Variants in RBM28 observed in about 807,000 individuals in gnomAD.
RBM28 encodes the protein RNA binding motif protein 28, also known as RNA-binding protein 28.
A neutral mutation model predicts 98.3 loss-of-function variants in RBM28; 78 were observed. That is an observed-to-expected ratio of 0.79 (90% confidence interval 0.66 to 0.96). The LOEUF (loss-of-function observed/expected upper bound fraction) is 0.96, where lower values mean the gene tolerates loss of function less well. Among genes scored for constraint, RBM28 ranks in the 40% least tolerant of loss-of-function variants. The probability of loss-of-function intolerance (pLI) is 0.00; values close to 1 mark genes in which losing one functional copy is unlikely to be tolerated. For missense variants in RBM28, 838 were observed against 913.0 expected, an observed-to-expected ratio of 0.92 and a Z score of 1.06; for synonymous variants, 306 against 330.9, an observed-to-expected ratio of 0.92 and a Z score of 0.82.
chr7:128,334,678 T>C lies in RBM28; in HGVS notation c.946+865A>G, dbSNP rs983596272. On this transcript the variant is annotated intron_variant, in intron 8 of 18. Transcript: ENST00000223073. Reference sequence around the variant, plus strand: ...TTCTCAATAAAGGTAGCAATAAGGATTGGCTAAAGTTTTACAACATGTTCA... The same window carrying C: ...TTCTCAATAAAGGTAGCAATAAGGACTGGCTAAAGTTTTACAACATGTTCA... 7.2e-5 allele frequency among the ~76,000 whole-genome samples: 11 copies of C among 152,192 alleles called. No homozygotes were observed. In the South Asian group the frequency reaches 1.9e-3, roughly 26 times the overall value.
chr7:128,324,844 T>C (rs1796312450), intron 11 of RBM28, 150 bp from the exon 12 acceptor site: 1 of 1,076,470 alleles, frequency 9.3e-7, no homozygotes, highest in East Asian at 2.5e-5. Context: ...TGAAACCTCG[T>C]CTCTACTAAA....
intron 10 of RBM28, among the ~76,000 whole-genome samples, 168 bp from the exon 11 acceptor site, chr7:128,326,059 C>G (rs1796343533): frequency 6.6e-6 from 1 of 152,158 alleles, no homozygotes; most frequent in Non-Finnish European, 1.5e-5. Context: ...AATCCCGGCA[C>G]TTTGGGAGGC....
chr7:128,328,468 T>C (rs920249725), intron 10 of RBM28, among the ~76,000 whole-genome samples: 1 of 152,040 alleles, frequency 6.6e-6, no homozygotes, highest in African/African-American at 2.4e-5. Context: ...GCTGCATGAG[T>C]AGGCAAAAAA....
intron 8 of RBM28, among the ~76,000 whole-genome samples, chr7:128,334,564 A>G (rs1316751872): frequency 6.6e-6 from 1 of 152,256 alleles, no homozygotes; most frequent in Non-Finnish European, 1.5e-5. Context: ...CTGAAATAAA[A>G]ATCTCCACCC....
chr7:128,312,976 CAGG>C, intron 18 of RBM28, 196 bp downstream of exon 18: 1 of 606,470 alleles, frequency 1.6e-6, no homozygotes, highest in Non-Finnish European at 2.9e-6. Context: ...TGCTGAAACA[CAGG>C]AACAGATACG....
chr7:128,333,640 C>T (rs1796534667), intron 8 of RBM28, among the ~76,000 whole-genome samples: 1 of 152,116 alleles, frequency 6.6e-6, no homozygotes, highest in Non-Finnish European at 1.5e-5. Flanking sequence ...ATCCCTTGAA[C>T]CTGGGAGGTG....
At chr7:128,329,352 G>C (rs1407811987) in intron 10 of RBM28, among the ~76,000 whole-genome samples, 1 of 152,194 alleles carries the variant, frequency 6.6e-6, no homozygotes. Flanking sequence ...GCCTGCCTCA[G>C]CCTCCCAAAG....
At chr7:128,333,537 G>A (rs1796531039) in intron 8 of RBM28, among the ~76,000 whole-genome samples, 175 bp from the exon 9 acceptor site, 1 of 152,092 alleles carries the variant, frequency 6.6e-6, no homozygotes, top group African/African-American at 2.4e-5. Flanking sequence ...GGCCAACATG[G>A]CAAAACCCTG....
intron 8 of RBM28, 59 bp from the exon 9 acceptor site, chr7:128,333,421 A>G (rs1343909330): frequency 6.6e-6 from 9 of 1,364,412 alleles, no homozygotes; most frequent in Non-Finnish European, 9.4e-6. Context: ...CATGACAAAG[A>G]GCTAACTTCT....
chr7:128,322,604 G>A (rs143887032), intron 13 of RBM28, among the ~76,000 whole-genome samples: 1 of 152,216 alleles, frequency 6.6e-6, no homozygotes, highest in East Asian at 1.9e-4. Flanking sequence ...AATTTATAAT[G>A]CATACCTATC....
In RBM28 at chr7:128,330,828, G is replaced by T; in HGVS notation, c.1120C>A (p.His374Asn). The T allele has an allele frequency of 6.2e-7, 1 of 1,612,736 alleles. No homozygotes were observed. Among genetic ancestry groups the T allele is most frequent in the East Asian group, 2.2e-5 (1 of 44,878 alleles). The change falls in exon 10 of 19, where the codon CAT (histidine) becomes AAT (asparagine). Residue 374 changes from histidine (H) to asparagine (N), a missense_variant. Transcript: ENST00000223073. ...AGCTGACAACACATACCTTTAGAAT[G>T]CTCTGTGTCTGGATGCAAGACAATG... is the stretch of plus-strand genomic sequence containing the variant. ...VRIVLHPDTE[H>N]SKGCAFAQFM...
rs1795789485 is a variant in RBM28, at chr7:128,302,110, T to C, written c.*8687A>G. The C allele has an allele frequency of 6.6e-6, 1 of 152,182 alleles. No homozygotes were observed. Among genetic ancestry groups the C allele is most frequent in the African/African-American group, 2.4e-5 (1 of 41,420 alleles). 9.4% of individuals were successfully genotyped at this position (152,182 alleles called of 1,614,324 possible). A position where few individuals can be genotyped will look rare whatever the true frequency, so the allele number is the denominator to read the frequency against. On this transcript the variant is annotated 3_prime_UTR_variant, in exon 19 of 19. Transcript: ENST00000223073. ...TCATCCTCAGCACATGCCTGACACATAGTAGGTGCTCAGTAATTGTTAGCT... is the reference window on the plus strand; with the variant it reads ...TCATCCTCAGCACATGCCTGACACACAGTAGGTGCTCAGTAATTGTTAGCT...
chr7:128,298,259 TCTTTGTAC>T lies in RBM28; in HGVS notation c.*12530_*12537del, dbSNP rs1795733940. On this transcript the variant is annotated 3_prime_UTR_variant, in exon 19 of 19. Transcript: ENST00000223073. ...TGCTTTTGCCCTTTGAAGCATGTGA[TCTTTGTAC>T]CTACTCCCTGTTTTACACCCCCTCC... The T allele has an allele frequency of 6.6e-6, 1 of 152,222 alleles. No individual in the cohort carries two copies. The highest frequency in any genetic ancestry group is 1.5e-5 in the Non-Finnish European group (1 of 68,042). The allele number at this position is 152,222 out of a possible 1,614,324, so 9.4% of individuals were successfully genotyped here. A position where few individuals can be genotyped will look rare whatever the true frequency, so the allele number is the denominator to read the frequency against.
At chr7:128,326,868 G>T (rs191336424) in intron 10 of RBM28, among the ~76,000 whole-genome samples, 4 of 152,100 alleles carry the variant, frequency 2.6e-5, no homozygotes, top group African/African-American at 7.2e-5. Flanking sequence ...GGCTGGGTGT[G>T]GTGGCTTACA....
intron 3 of RBM28, among the ~76,000 whole-genome samples, chr7:128,339,008 C>T (rs1796662903): frequency 6.6e-6 from 1 of 152,146 alleles, no homozygotes; most frequent in African/African-American, 2.4e-5. Context: ...ACTTTTTCTA[C>T]CTTTTCTTTC....
At chr7:128,319,308 A>T (rs1415436775) in intron 14 of RBM28, among the ~76,000 whole-genome samples, 1 of 152,236 alleles carries the variant, frequency 6.6e-6, no homozygotes, top group African/African-American at 2.4e-5. Flanking sequence ...AATAGGAAAG[A>T]ATTAAGAGGA....
At chr7:128,339,903 T>A in intron 1 of RBM28, 112 bp from the exon 2 acceptor site, 1 of 1,250,598 alleles carries the variant, frequency 8.0e-7, no homozygotes, top group Non-Finnish European at 1.1e-6. Flanking sequence ...GAGGATATAC[T>A]GCCAACCCAT....
At position 128,343,892 on chromosome 7, in the gene RBM28, CGA is replaced by C. The variant is rs1461470078; in HGVS notation, c.-101_-100del. 1.2e-5 allele frequency: 9 copies of C among 767,210 alleles called. No homozygotes were observed. The highest frequency in any genetic ancestry group is 3.8e-4 in the Middle Eastern group (1 of 2,630). The allele number at this position is 767,210 out of a possible 1,614,324, so 47.5% of individuals were successfully genotyped here. ...TGGTAGGACAACCAAGCTCACACGCCGAGAGATTCCGGAAGTGCTCGTTGCCC... is the reference window on the plus strand; with the variant it reads ...TGGTAGGACAACCAAGCTCACACGCCGAGATTCCGGAAGTGCTCGTTGCCC... On this transcript the variant is annotated 5_prime_UTR_variant, in exon 1 of 19. Transcript: ENST00000223073.
chr7:128,322,144 A>G (rs1325436698), intron 13 of RBM28, among the ~76,000 whole-genome samples: 2 of 152,130 alleles, frequency 1.3e-5, no homozygotes, highest in Non-Finnish European at 2.9e-5. Flanking sequence ...TCTACCCACC[A>G]GCTCAACTGA....
Sources: allele counts gnomAD v4.1 joint callset (sites outside exome capture counted in the v4.1 genomes callset), GRCh38; gene constraint gnomAD v4.1.1; transcripts MANE v1.5; gene names NCBI Gene and HGNC (gene_info 2026-07-23, HGNC 2026-07-21).